The following MFSD6 variants were observed in gnomAD, a reference collection of about 807,000 sequenced individuals.
The protein encoded by MFSD6 is major facilitator superfamily domain-containing protein 6.
MFSD6 carries 26 observed loss-of-function variants against 56.3 expected under a neutral mutation model. That is an observed-to-expected ratio of 0.46 (90% confidence interval 0.34 to 0.64). MFSD6 has a LOEUF of 0.64. Among genes scored for constraint, MFSD6 ranks in the 30% least tolerant of loss-of-function variants. The pLI is 0.01. For missense variants in MFSD6, 750 were observed against 986.2 expected, an observed-to-expected ratio of 0.76 and a Z score of 3.21; for synonymous variants, 331 against 366.9, an observed-to-expected ratio of 0.90 and a Z score of 1.12.
At chr2:190,473,523 T>G (rs1441093099) in intron 4 of MFSD6, among the ~76,000 whole-genome samples, 2 of 152,184 alleles carry the variant, frequency 1.3e-5, no homozygotes, top group East Asian at 1.9e-4. Context: ...AAGAGCTAAC[T>G]ATCCTAAATA....
At chr2:190,482,874 T>TG (rs1303376273) in intron 4 of MFSD6, among the ~76,000 whole-genome samples, 2 of 23,422 alleles carry the variant, frequency 8.5e-5, no homozygotes, top group Non-Finnish European at 1.1e-4. Flanking sequence ...TCATCTTTTT[T>TG]TTTTTTTTTT....
chr2:190,473,539 G>A (rs1171706908), intron 4 of MFSD6, among the ~76,000 whole-genome samples: 1 of 152,134 alleles, frequency 6.6e-6, no homozygotes, highest in Non-Finnish European at 1.5e-5. Context: ...AAATATATAT[G>A]CACCCAATAC....
chr2:190,428,020 C>G (rs1478717842), intron 2 of MFSD6, among the ~76,000 whole-genome samples: 1 of 152,248 alleles, frequency 6.6e-6, no homozygotes, highest in African/African-American at 2.4e-5. Context: ...GCGTGAGCCA[C>G]TGTGCCCTGC....
At position 190,495,233 on chromosome 2, in the gene MFSD6, A is replaced by G. The variant is rs1689602895; in HGVS notation, c.1892-2206A>G. Among the ~76,000 whole-genome samples the G allele has an allele frequency of 6.6e-6, 1 of 152,116 alleles. No homozygotes were observed. The highest frequency in any genetic ancestry group is 6.6e-5 in the Admixed American group (1 of 15,262). ...GACCAAGATGAGAATCAAATCAAGA[A>G]CCCAACACCTTTTATAATAGCTGCA... On this transcript the variant is annotated intron_variant, in intron 6 of 7. Coordinates refer to ENST00000392328, the MANE Select transcript of MFSD6 (RefSeq NM_017694.4). The surrounding 1 kb of genome is among the most constrained non-coding windows in gnomAD (Gnocchi z 4.7).
chr2:190,480,136 C>T (rs1688576717), intron 4 of MFSD6, among the ~76,000 whole-genome samples: 1 of 152,214 alleles, frequency 6.6e-6, no homozygotes, highest in East Asian at 1.9e-4. Context: ...GCATTCCAGC[C>T]TGGGTGACAC....
In MFSD6 at chr2:190,497,675, CA is replaced by C; in HGVS notation, c.2130del (p.Gln710HisfsTer170). 6.2e-7 allele frequency: 1 copy of C among 1,614,142 alleles called. No individual in the cohort carries two copies. Among genetic ancestry groups the C allele is most frequent in the Non-Finnish European group, 8.5e-7 (1 of 1,179,992 alleles). ...YALYQIKEMM[Q>X]LTRDNRASEI... ...ACTCTACCAAATTAAAGAGATGATGCAACTCACAAGAGACAACCGTGCTTCT... is the reference window on the plus strand; with the variant it reads ...ACTCTACCAAATTAAAGAGATGATGCACTCACAAGAGACAACCGTGCTTCT... On this transcript the variant is annotated frameshift_variant, in exon 7 of 8. Coordinates refer to ENST00000392328, the MANE Select transcript of MFSD6 (RefSeq NM_017694.4). LOFTEE classifies it low-confidence loss of function (END_TRUNC). The surrounding 1 kb of genome is among the most constrained non-coding windows in gnomAD (Gnocchi z 5.2).
At position 190,410,093 on chromosome 2, in the gene MFSD6, A is replaced by C. The variant is rs1220570040; in HGVS notation, c.-176+1590A>C. 6.6e-6 allele frequency among the ~76,000 whole-genome samples: 1 copy of C among 152,238 alleles called. No homozygotes were observed. Among genetic ancestry groups the C allele is most frequent in the Admixed American group, 6.5e-5 (1 of 15,290 alleles). On this transcript the variant is annotated intron_variant, in intron 1 of 7. Transcript: ENST00000392328. This position sits in a 1 kb window ranked among gnomAD's most constrained non-coding sequence, Gnocchi z 4.4. ...AATATAAAAGCGTGAAGGCAAATAA[A>C]ACACAAAGACAAAAAGCAGAGTTCA...
intron 2 of MFSD6, among the ~76,000 whole-genome samples, chr2:190,430,327 GT>G (rs1283998591): frequency 6.6e-6 from 1 of 151,232 alleles, no homozygotes. Flanking sequence ...AAGATCTCTG[GT>G]TTTCCTAGGC....
At position 190,436,796 on chromosome 2, in the gene MFSD6, C is replaced by T. The variant is rs1206057963; in HGVS notation, c.767C>T (p.Thr256Ile). Reference sequence around the variant, plus strand: ...ACCCCTGTCTCCCCAGGAAGCGTAACCAAGGAGACAACCACTGTTATTGTT... The same window carrying T: ...ACCCCTGTCTCCCCAGGAAGCGTAATCAAGGAGACAACCACTGTTATTGTT... Reference protein sequence around the residue: ...TATPVSPGSVTKETTTVIVTT... With the variant: ...TATPVSPGSVIKETTTVIVTT... Residue 256 changes from threonine (T) to isoleucine (I), a missense_variant, in exon 3 of 8, where the codon ACC (threonine) becomes ATC (isoleucine). Transcript: ENST00000392328. The surrounding 1 kb of genome is among the most constrained non-coding windows in gnomAD (Gnocchi z 5.3). 29 of 1,614,052 alleles carry T rather than the reference C, an allele frequency of 1.8e-5. No individual in the cohort carries two copies. The highest frequency in any genetic ancestry group is 2.3e-5 in the Non-Finnish European group (27 of 1,180,052).
In MFSD6 at chr2:190,412,097, T is replaced by C. The variant is rs947673671; in HGVS notation, c.-175-3195T>C. 1 of 984,596 alleles carries C rather than the reference T, an allele frequency of 1.0e-6. No individual in the cohort carries two copies. Among genetic ancestry groups the C allele is most frequent in the Non-Finnish European group, 1.2e-6 (1 of 829,306 alleles). 61.0% of individuals were successfully genotyped at this position (984,596 alleles called of 1,614,324 possible). On this transcript the variant is annotated intron_variant, in intron 1 of 7. Coordinates refer to ENST00000392328, the MANE Select transcript of MFSD6 (RefSeq NM_017694.4). This position sits in a 1 kb window ranked among gnomAD's most constrained non-coding sequence, Gnocchi z 4.1. ...TAAAGTTAAACTAATCTGATGCATA[T>C]GTACTTGTTAAATACAGTCCCATAG... is the stretch of plus-strand genomic sequence containing the variant.
At chr2:190,466,488 C>T (rs10182754) in intron 3 of MFSD6, among the ~76,000 whole-genome samples, 67,632 of 152,016 alleles carry the variant, frequency 0.44, 15,736 homozygotes, top group East Asian at 0.61. Flanking sequence ...GGAAGGAATG[C>T]GAATGCTCTT....
rs919154924 is a variant in MFSD6, at chr2:190,454,849, C to T, written c.1533-14909C>T. 2.0e-5 allele frequency among the ~76,000 whole-genome samples: 3 copies of T among 151,990 alleles called. No homozygotes were observed. The highest frequency in any genetic ancestry group is 4.4e-5 in the Non-Finnish European group (3 of 68,026). The stretch of plus-strand genomic sequence containing the variant: ...AGACACTAGAATAGGGACCTATGGC[C>T]TAACATAGTGGGATGATGGTAGGAG... On this transcript the variant is annotated intron_variant, in intron 3 of 7. Transcript: ENST00000392328. The surrounding 1 kb of genome is among the most constrained non-coding windows in gnomAD (Gnocchi z 4.6).
At chr2:190,468,619 A>ATTT (rs71027223) in intron 3 of MFSD6, among the ~76,000 whole-genome samples, 1 of 128,030 alleles carries the variant, frequency 7.8e-6, no homozygotes, top group Non-Finnish European at 1.7e-5. Flanking sequence ...AGCCTGGCTA[A>ATTT]TTTTTTTTTT....
rs1284838178 is a variant in MFSD6 at position 190,416,981 on chromosome 2, T to C, written c.-54+1568T>C. Among the ~76,000 whole-genome samples, 1 of 152,144 alleles carries C rather than the reference T, an allele frequency of 6.6e-6. No homozygotes were observed. The highest frequency in any genetic ancestry group is 1.5e-5 in the Non-Finnish European group (1 of 68,024). Reference sequence around the variant, plus strand: ...GTCAAAATAAACAGTATTGAGAGCTTACAGGGGTAAAGGGCAATATGTTAT... The same window carrying C: ...GTCAAAATAAACAGTATTGAGAGCTCACAGGGGTAAAGGGCAATATGTTAT... On this transcript the variant is annotated intron_variant, in intron 2 of 7. Coordinates refer to ENST00000392328, the MANE Select transcript of MFSD6 (RefSeq NM_017694.4). This position sits in a 1 kb window ranked among gnomAD's most constrained non-coding sequence, Gnocchi z 4.1.
chr2:190,447,089 T>TAA lies in MFSD6; in HGVS notation c.1532+9538_1532+9539dup, dbSNP rs372677069. Among the ~76,000 whole-genome samples, 1 of 136,184 alleles carries TAA rather than the reference T, an allele frequency of 7.3e-6. No individual in the cohort carries two copies. Among genetic ancestry groups the TAA allele is most frequent in the Non-Finnish European group, 1.7e-5 (1 of 59,370 alleles). 89.3% of individuals were successfully genotyped at this position (136,184 alleles called of 152,430 possible). The stretch of plus-strand genomic sequence containing the variant: ...GTCTCTCTCTGATTCATAGGCTCAG[T>TAA]AAAAAAAAAAACTTGAAAGGATGTC... On this transcript the variant is annotated intron_variant, in intron 3 of 7. Coordinates refer to ENST00000392328, the MANE Select transcript of MFSD6 (RefSeq NM_017694.4). This position sits in a 1 kb window ranked among gnomAD's most constrained non-coding sequence, Gnocchi z 4.5.
intron 2 of MFSD6, among the ~76,000 whole-genome samples, chr2:190,430,806 C>T (rs1056915691): frequency 2.7e-5 from 4 of 146,188 alleles, no homozygotes; most frequent in African/African-American, 1.0e-4. Flanking sequence ...GCGCCCCCCC[C>T]ACCTCCCTCC....
intron 2 of MFSD6, among the ~76,000 whole-genome samples, chr2:190,429,333 T>C (rs1164940842): frequency 2.0e-5 from 3 of 151,510 alleles, no homozygotes; most frequent in Non-Finnish European, 4.4e-5. Context: ...AGAAATTCTT[T>C]TTTTTTTTTT....
At position 190,497,965 on chromosome 2, in the gene MFSD6, C is replaced by G; in HGVS notation, c.2172+246C>G. The G allele has an allele frequency of 2.9e-6, 1 of 349,700 alleles. No homozygotes were observed. Among genetic ancestry groups the G allele is most frequent in the Non-Finnish European group, 5.2e-6 (1 of 193,204 alleles). 21.7% of individuals were successfully genotyped at this position (349,700 alleles called of 1,614,324 possible). On this transcript the variant is annotated intron_variant, in intron 7 of 7. Transcript: ENST00000392328. The surrounding 1 kb of genome is among the most constrained non-coding windows in gnomAD (Gnocchi z 5.2). ...TTCAGAGGTTATGATTCTTTCACTT[C>G]TTGAAAGAAATAAAATAAATTAATC...
At chr2:190,442,415 T>C (rs1267660546) in intron 3 of MFSD6, among the ~76,000 whole-genome samples, 2 of 151,958 alleles carry the variant, frequency 1.3e-5, no homozygotes, top group African/African-American at 4.8e-5. Context: ...CTGGAGGCAG[T>C]AGGTAGCCAT....
Sources: gnomAD v4.1 joint callset for allele counts (sites outside exome capture counted in the v4.1 genomes callset) on GRCh38, gnomAD v4.1.1 for gene constraint, Gnocchi (gnomAD v3.1) non-coding constraint, MANE v1.5 for transcripts, NCBI Gene and HGNC (gene_info 2026-07-23, HGNC 2026-07-21) for gene names.